The following TRIO variants were observed in gnomAD, a reference collection of about 807,000 sequenced individuals.
The protein encoded by TRIO is trio Rho guanine nucleotide exchange factor, also known as triple functional domain protein.
A neutral mutation model predicts 351.9 loss-of-function variants in TRIO; 58 were observed. The observed-to-expected ratio is 0.16, with a 90% confidence interval of 0.13 to 0.21. The LOEUF is 0.21. Ranked by LOEUF, TRIO falls within the 10% of genes least tolerant of loss-of-function variation. TRIO has a pLI of 1.00. For synonymous variants in TRIO, 1,758 were observed against 1,595.7 expected, an observed-to-expected ratio of 1.10 and a Z score of -2.42; for missense variants, 3,201 against 4,027.8, an observed-to-expected ratio of 0.79 and a Z score of 5.56.
rs140651279 is a variant in TRIO at position 14,442,566 on chromosome 5, C to A, written c.5204-18453C>A. Among the ~76,000 whole-genome samples the A allele has an allele frequency of 4.6e-3, 701 of 152,264 alleles. 3 individuals are homozygous for A. Among genetic ancestry groups the A allele is most frequent in the Non-Finnish European group, 5.9e-3 (400 of 68,006 alleles). On this transcript the variant is annotated intron_variant, in intron 34 of 56. Coordinates refer to ENST00000344204, the MANE Select transcript of TRIO (RefSeq NM_007118.4). ...ATAATACTCCTTGTATTTTTGTTCA[C>A]AAAACCTTTAAAAAGTCTTTGACCC...
chr5:14,306,505 AT>A (rs1315273413), intron 8 of TRIO, among the ~76,000 whole-genome samples: 2 of 152,216 alleles, frequency 1.3e-5, no homozygotes, highest in Non-Finnish European at 2.9e-5. Context: ...CAGAAAGCAA[AT>A]GACCCTGTTA....
chr5:14,170,262 C>CT (rs1404389698), intron 1 of TRIO, among the ~76,000 whole-genome samples: 1 of 151,998 alleles, frequency 6.6e-6, no homozygotes, highest in Admixed American at 6.6e-5. Context: ...TAATATCTAG[C>CT]TTTTTTCTTT....
chr5:14,359,565 TG>T (rs765799982), intron 13 of TRIO, 34 bp downstream of exon 13: 59 of 1,604,564 alleles, frequency 3.7e-5, no homozygotes, highest in Non-Finnish European at 4.8e-5. Context: ...TGCCTGCCTG[TG>T]GGAGCCCTTG....
intron 48 of TRIO, chr5:14,488,785 G>A: frequency 1.7e-6 from 1 of 593,370 alleles, no homozygotes; most frequent in Non-Finnish European, 3.0e-6. Context: ...ATGAAAAAAT[G>A]GGGGGAAAGA....
At chr5:14,437,682 G>GCC (rs1751692093) in intron 34 of TRIO, among the ~76,000 whole-genome samples, 2 of 129,236 alleles carry the variant, frequency 1.5e-5, no homozygotes, top group African/African-American at 6.8e-5. Flanking sequence ...ATTGGATGAG[G>GCC]ACCACCCCCC....
At chr5:14,265,037 A>T (rs1314786483) in intron 1 of TRIO, among the ~76,000 whole-genome samples, 1 of 149,164 alleles carries the variant, frequency 6.7e-6, no homozygotes, top group Non-Finnish European at 1.5e-5. Context: ...ATTTATTAAC[A>T]TTTTTGTTAC....
Position 14,394,210 on chromosome 5 carries a change from A to G in TRIO, c.4311+80A>G. On this transcript the variant is annotated intron_variant, in intron 28 of 56. Coordinates refer to ENST00000344204, the MANE Select transcript of TRIO (RefSeq NM_007118.4). ...ACATTTACTATATATTTATATAATT[A>G]CCCTGAATTTTTTGAAACACCTAGT... 4.2e-6 allele frequency: 4 copies of G among 942,140 alleles called. No homozygotes were observed. The South Asian group carries it at 5.9e-5, about 14-fold the overall frequency. The allele number at this position is 942,140 out of a possible 1,614,324, so 58.4% of individuals were successfully genotyped here. A position where few individuals can be genotyped will look rare whatever the true frequency, so the allele number is the denominator to read the frequency against.
chr5:14,478,114 A>C (rs1755225097), intron 41 of TRIO, among the ~76,000 whole-genome samples: 1 of 152,192 alleles, frequency 6.6e-6, no homozygotes, highest in African/African-American at 2.4e-5. Context: ...GGTTAGTTCC[A>C]CTCACAACTC....
At chr5:14,467,218 G>A (rs1754327218) in intron 37 of TRIO, among the ~76,000 whole-genome samples, 1 of 152,186 alleles carries the variant, frequency 6.6e-6, no homozygotes, top group Admixed American at 6.5e-5. Flanking sequence ...CACTGGAATT[G>A]CTAAATCAGA....
Position 14,144,904 on chromosome 5 carries a change from A to C in TRIO, c.157+1022A>C, listed in dbSNP as rs577311304. Reference sequence around the variant, plus strand: ...GCTGAGCAGCAGCAGGAGGAGGAGGAGGCGGCGGCGGCGGCGGCGGCCTCG... The same window carrying C: ...GCTGAGCAGCAGCAGGAGGAGGAGGCGGCGGCGGCGGCGGCGGCGGCCTCG... On this transcript the variant is annotated intron_variant, in intron 1 of 56. Coordinates refer to ENST00000344204, the MANE Select transcript of TRIO (RefSeq NM_007118.4). Among the ~76,000 whole-genome samples, 351 of 149,196 alleles carry C rather than the reference A, an allele frequency of 2.4e-3. 1 individual carries two copies. Among genetic ancestry groups the C allele is most frequent in the African/African-American group, 7.7e-3 (310 of 40,102 alleles).
rs745454736 is a variant in TRIO at position 14,364,643 on chromosome 5, T to A, written c.2588-7T>A. 5 of 1,609,590 alleles carry A rather than the reference T, an allele frequency of 3.1e-6. No individual in the cohort carries two copies. In the Admixed American group the frequency reaches 8.4e-5, roughly 27 times the overall value. On this transcript the variant is annotated splice_region_variant and splice_polypyrimidine_tract_variant and intron_variant, in intron 14 of 56. Transcript: ENST00000344204. ...TGAATTCTAGGGTCTCCCTTTAATGTCCACAGGTGTGGAGCTGCTGTGTGA... is the reference window on the plus strand; with the variant it reads ...TGAATTCTAGGGTCTCCCTTTAATGACCACAGGTGTGGAGCTGCTGTGTGA...
chr5:14,336,766 A>G, intron 11 of TRIO, 39 bp downstream of exon 11: 1 of 1,608,596 alleles, frequency 6.2e-7, no homozygotes, highest in Non-Finnish European at 8.5e-7. Context: ...CTGTGCTTGA[A>G]AGGGTCTTTG....
At chr5:14,473,953 A>T in intron 39 of TRIO, 41 bp from the exon 40 acceptor site, 1 of 1,581,676 alleles carries the variant, frequency 6.3e-7, no homozygotes, top group Non-Finnish European at 8.7e-7. Context: ...TGATTCAGAC[A>T]TATTCCATGA....
intron 1 of TRIO, among the ~76,000 whole-genome samples, chr5:14,152,059 A>AT (rs1368408877): frequency 6.6e-6 from 1 of 152,202 alleles, no homozygotes; most frequent in Non-Finnish European, 1.5e-5. Flanking sequence ...TGTTATATAT[A>AT]TTTCCACCTA....
At chr5:14,339,387 A>C (rs974703648) in intron 11 of TRIO, among the ~76,000 whole-genome samples, 2 of 152,236 alleles carry the variant, frequency 1.3e-5, no homozygotes, top group Non-Finnish European at 2.9e-5. Context: ...AATTATTTAA[A>C]AGTAAAAATA....
intron 1 of TRIO, among the ~76,000 whole-genome samples, chr5:14,232,233 G>C (rs530465822): frequency 6.6e-6 from 1 of 152,122 alleles, no homozygotes; most frequent in Non-Finnish European, 1.5e-5. Context: ...GGCTTCTCCC[G>C]GTTCCGTGAG....
chr5:14,235,970 A>G (rs1429580608), intron 1 of TRIO, among the ~76,000 whole-genome samples: 1 of 152,090 alleles, frequency 6.6e-6, no homozygotes, highest in Non-Finnish European at 1.5e-5. Flanking sequence ...CCAGCCCTAT[A>G]AAACTGTACA....
Position 14,342,606 on chromosome 5 carries a change from C to T in TRIO, c.2046+5879C>T, listed in dbSNP as rs114928605. 9.4e-3 allele frequency among the ~76,000 whole-genome samples: 1,432 copies of T among 152,332 alleles called. 14 individuals carry two copies. Among genetic ancestry groups the T allele is most frequent in the African/African-American group, 0.033 (1,356 of 41,562 alleles). On this transcript the variant is annotated intron_variant, in intron 11 of 56. Transcript: ENST00000344204. ...CTGAATTATCCCAGTCTCTCATGCGCCCTGGATTCCTCCAGATGCCTTATA... is the reference window on the plus strand; with the variant it reads ...CTGAATTATCCCAGTCTCTCATGCGTCCTGGATTCCTCCAGATGCCTTATA...
intron 28 of TRIO, among the ~76,000 whole-genome samples, chr5:14,395,660 C>T (rs1747495530): frequency 6.6e-6 from 1 of 152,184 alleles, no homozygotes; most frequent in Non-Finnish European, 1.5e-5. Flanking sequence ...CTCAAGTAAC[C>T]ACTGGGAGAC....
Sources: gnomAD v4.1 joint callset for allele counts (sites outside exome capture counted in the v4.1 genomes callset) on GRCh38, gnomAD v4.1.1 for gene constraint, MANE v1.5 for transcripts, NCBI Gene and HGNC (gene_info 2026-07-23, HGNC 2026-07-21) for gene names.